PPIB: variants seen among roughly 807,000 people sequenced by gnomAD.
The protein encoded by PPIB is peptidyl-prolyl cis-trans isomerase B.
Under a neutral mutation model 20.1 loss-of-function variants are expected in PPIB, and 15 were observed. The observed-to-expected ratio is 0.75, with a 90% CI of 0.50 to 1.15. PPIB has a LOEUF of 1.15. Ranked by LOEUF, PPIB falls within the 50% of genes most tolerant of loss-of-function variation. The probability of loss-of-function intolerance (pLI) is 0.00; values close to 1 mark genes in which losing one functional copy is unlikely to be tolerated. For synonymous variants in PPIB, 129 were observed against 111.0 expected, an observed-to-expected ratio of 1.16 and a Z score of -1.02; for missense variants, 278 against 283.0, an observed-to-expected ratio of 0.98 and a Z score of 0.13.
In PPIB at chr15:64,161,088, G is replaced by T. The variant is rs1282740441; in HGVS notation, c.250-891C>A. The stretch of plus-strand genomic sequence containing the variant: ...AAATTCTCCTGCCTCAGCCTCCCAA[G>T]TAGCTGGAATTACAGGCGCCTACCA... On this transcript the variant is annotated intron_variant, in intron 2 of 4. Transcript: ENST00000300026. This position sits in a 1 kb window ranked among gnomAD's most constrained non-coding sequence, Gnocchi z 4.2. Among the ~76,000 whole-genome samples the T allele has an allele frequency of 6.6e-6, 1 of 151,762 alleles. No individual in the cohort carries two copies. The highest frequency in any genetic ancestry group is 2.4e-5 in the African/African-American group (1 of 41,242).
rs1472963364 is a variant in PPIB at position 64,161,674 on chromosome 15, G to A, written c.249+367C>T. On this transcript the variant is annotated intron_variant, in intron 2 of 4. Transcript: ENST00000300026. The surrounding 1 kb of genome is among the most constrained non-coding windows in gnomAD (Gnocchi z 4.2). ...CGGGAGGCGGAGGTTGCAGTGAGCT[G>A]AGGCCGCACCACTGCACTCCAGCCC... 6.6e-6 allele frequency among the ~76,000 whole-genome samples: 1 copy of A among 151,734 alleles called. No homozygotes were observed. The highest frequency in any genetic ancestry group is 1.5e-5 in the Non-Finnish European group (1 of 67,966).
In PPIB at chr15:64,158,398, C is replaced by A. The variant is rs28720190; in HGVS notation, c.344-1489G>T. Reference sequence around the variant, plus strand: ...GAGGCACAGAGAATAAAAGGAGCCCCAGCAGAGCAACAGCGGGGCTAGAGT... The same window carrying A: ...GAGGCACAGAGAATAAAAGGAGCCCAAGCAGAGCAACAGCGGGGCTAGAGT... On this transcript the variant is annotated intron_variant, in intron 3 of 4. Transcript: ENST00000300026. The surrounding 1 kb of genome is among the most constrained non-coding windows in gnomAD (Gnocchi z 4.7). 1.6e-3 allele frequency among the ~76,000 whole-genome samples: 248 copies of A among 152,308 alleles called. 2 individuals carry two copies. The highest frequency in any genetic ancestry group is 5.7e-3 in the African/African-American group (239 of 41,574).
chr15:64,162,671 C>T (rs2081569409), intron 1 of PPIB, among the ~76,000 whole-genome samples, 181 bp downstream of exon 1: 1 of 152,092 alleles, frequency 6.6e-6, no homozygotes, highest in African/African-American at 2.4e-5. Flanking sequence ...CTCCCTGGGT[C>T]AGGGCAGGGG....
Position 64,161,680 on chromosome 15 carries a change from G to A in PPIB, c.249+361C>T, listed in dbSNP as rs574431573. Among the ~76,000 whole-genome samples, 5 of 151,358 alleles carry A rather than the reference G, an allele frequency of 3.3e-5. No homozygotes were observed. Among genetic ancestry groups the A allele is most frequent in the African/African-American group, 1.2e-4 (5 of 41,200 alleles). ...GCGGAGGTTGCAGTGAGCTGAGGCCGCACCACTGCACTCCAGCCCAGGCGA... is the reference window on the plus strand; with the variant it reads ...GCGGAGGTTGCAGTGAGCTGAGGCCACACCACTGCACTCCAGCCCAGGCGA... On this transcript the variant is annotated intron_variant, in intron 2 of 4. Coordinates refer to ENST00000300026, the MANE Select transcript of PPIB (RefSeq NM_000942.5). This position sits in a 1 kb window ranked among gnomAD's most constrained non-coding sequence, Gnocchi z 4.2.
chr15:64,158,484 A>G lies in PPIB; in HGVS notation c.344-1575T>C, dbSNP rs944341007. Among the ~76,000 whole-genome samples the G allele has an allele frequency of 6.6e-6, 1 of 152,178 alleles. No individual in the cohort carries two copies. Among genetic ancestry groups the G allele is most frequent in the Non-Finnish European group, 1.5e-5 (1 of 67,990 alleles). ...TCAGCCACCTCAGGATCAGGTCCAA[A>G]TCTCCCTGCCCAGGGTCAGTGGCAC... On this transcript the variant is annotated intron_variant, in intron 3 of 4. Coordinates refer to ENST00000300026, the MANE Select transcript of PPIB (RefSeq NM_000942.5). This position sits in a 1 kb window ranked among gnomAD's most constrained non-coding sequence, Gnocchi z 4.7.
Position 64,162,031 on chromosome 15 carries a change from A to T in PPIB, c.249+10T>A, listed in dbSNP as rs778802253. The T allele has an allele frequency of 4.4e-6, 7 of 1,593,024 alleles. No homozygotes were observed. The highest frequency in any genetic ancestry group is 6.0e-6 in the Non-Finnish European group (7 of 1,160,844). ...CATGTGAGTTGACTACCCCTGCTCC[A>T]GCCACTTACCTCTCCTGTAGCTAAG... On this transcript the variant is annotated intron_variant, in intron 2 of 4. Coordinates refer to ENST00000300026, the MANE Select transcript of PPIB (RefSeq NM_000942.5).
chr15:64,161,911 G>A lies in PPIB; in HGVS notation c.249+130C>T, dbSNP rs144124801. The A allele has an allele frequency of 1.3e-6, 1 of 779,710 alleles. No individual in the cohort carries two copies. The highest frequency in any genetic ancestry group is 1.7e-5 in the African/African-American group (1 of 59,194). The allele number at this position is 779,710 out of a possible 1,614,324, so 48.3% of individuals were successfully genotyped here. ...AAGAAAGGGCAATACTGTGTTCCCA[G>A]GGCAACAGGCAGTCGGTGCTCAGTG... On this transcript the variant is annotated intron_variant, in intron 2 of 4. Transcript: ENST00000300026. This position sits in a 1 kb window ranked among gnomAD's most constrained non-coding sequence, Gnocchi z 4.2.
At position 64,155,820 on chromosome 15, in the gene PPIB, TA is replaced by T. The variant is rs5813282; in HGVS notation, c.*202del. On this transcript the variant is annotated 3_prime_UTR_variant, in exon 5 of 5. Transcript: ENST00000300026. ...AGAACCAGGCCCACACATTATATAT[TA>T]AAAAAAAAAAAACCCACATTTTTTT... 1,617 of 528,816 alleles carry T rather than the reference TA, an allele frequency of 3.1e-3. No homozygotes were observed. The highest frequency in any genetic ancestry group is 8.3e-3 in the African/African-American group (414 of 49,926). 32.8% of individuals were successfully genotyped at this position (528,816 alleles called of 1,614,324 possible).
rs2081559532 is a variant in PPIB at position 64,160,647 on chromosome 15, TTTA to T, written c.250-453_250-451del. Among the ~76,000 whole-genome samples, 1 of 152,136 alleles carries T rather than the reference TTTA, an allele frequency of 6.6e-6. No individual in the cohort carries two copies. The highest frequency in any genetic ancestry group is 2.1e-4 in the South Asian group (1 of 4,830). Reference sequence around the variant, plus strand: ...CTCTTTTTTATCTCATTTTTTAAATTTTATTATTATTTTTTTGAGACAGAGTTT... The same window carrying T: ...CTCTTTTTTATCTCATTTTTTAAATTTTATTATTTTTTTGAGACAGAGTTT... On this transcript the variant is annotated intron_variant, in intron 2 of 4. Transcript: ENST00000300026. This position sits in a 1 kb window ranked among gnomAD's most constrained non-coding sequence, Gnocchi z 4.8.
rs557982972 is a variant in PPIB, at chr15:64,158,514, G to A, written c.343+1590C>T. ...CCTGCCCAGGGTCAGTGGCACCAAT[G>A]CCCCCAGCAGCCTGCCTGCCCTAGC... On this transcript the variant is annotated intron_variant, in intron 3 of 4. Coordinates refer to ENST00000300026, the MANE Select transcript of PPIB (RefSeq NM_000942.5). This position sits in a 1 kb window ranked among gnomAD's most constrained non-coding sequence, Gnocchi z 4.7. 5.9e-5 allele frequency among the ~76,000 whole-genome samples: 9 copies of A among 152,244 alleles called. No homozygotes were observed. The highest frequency in any genetic ancestry group is 2.6e-4 in the Admixed American group (4 of 15,296).
chr15:64,162,774 G>C, intron 1 of PPIB, 78 bp downstream of exon 1: 1 of 1,560,446 alleles, frequency 6.4e-7, no homozygotes, highest in Non-Finnish European at 8.7e-7. Context: ...GCCGAGGGAG[G>C]AGGGGCTGAG....
chr15:64,162,941 C>T lies in PPIB; in HGVS notation c.46G>A (p.Ala16Thr). 1 of 1,613,626 alleles carries T rather than the reference C, an allele frequency of 6.2e-7. No individual in the cohort carries two copies. Among genetic ancestry groups the T allele is most frequent in the Non-Finnish European group, 8.5e-7 (1 of 1,179,864 alleles). ...ERNMKVLLAA[A>T]LIAGSVFFLL... The stretch of plus-strand genomic sequence containing the variant: ...AAGAAGACGGACCCCGCGATGAGGG[C>T]GGCGGCAAGGAGCACCTTCATGTTG... The change falls in exon 1 of 5, where the codon GCC (alanine) becomes ACC (threonine). Residue 16 changes from alanine to threonine, a missense_variant. Transcript: ENST00000300026.
rs188404221 is a variant in PPIB at position 64,163,006 on chromosome 15, C to T, written c.-20G>A. The T allele has an allele frequency of 5.0e-4, 810 of 1,611,148 alleles. 3 individuals carry two copies. The African/African-American group carries it at 9.8e-3, about 20-fold the overall frequency. The stretch of plus-strand genomic sequence containing the variant: ...CAGCATCCACAGGCGGAGGCGAAAG[C>T]AGCCCGGACAGCTGAGGCCGGAAGA... On this transcript the variant is annotated 5_prime_UTR_variant, in exon 1 of 5. Coordinates refer to ENST00000300026, the MANE Select transcript of PPIB (RefSeq NM_000942.5).
chr15:64,160,161 C>T lies in PPIB; in HGVS notation c.286G>A (p.Val96Ile), dbSNP rs1172202854. The part of the protein sequence containing the change: ...FGYKNSKFHR[V>I]IKDFMIQGGD... ...CCCTGGATCATGAAGTCCTTGATTACACGATGGAATTTGCTGTTTTTGTAG... is the reference window on the plus strand; with the variant it reads ...CCCTGGATCATGAAGTCCTTGATTATACGATGGAATTTGCTGTTTTTGTAG... Residue 96 changes from valine to isoleucine, a missense_variant, in exon 3 of 5, where the codon GTA (valine) becomes ATA (isoleucine). Val to Ile is a conservative substitution (Grantham distance 29, BLOSUM62 3). Transcript: ENST00000300026. The surrounding 1 kb of genome is among the most constrained non-coding windows in gnomAD (Gnocchi z 4.8). 1.2e-6 allele frequency: 2 copies of T among 1,614,128 alleles called. No individual in the cohort carries two copies. Among genetic ancestry groups the T allele is most frequent in the East Asian group, 2.2e-5 (1 of 44,886 alleles).
rs2081557018 is a variant in PPIB at position 64,160,108 on chromosome 15, T to A, written c.339A>T (p.Thr113=). 5.6e-6 allele frequency: 9 copies of A among 1,611,434 alleles called. No individual in the cohort carries two copies. The highest frequency in any genetic ancestry group is 7.6e-6 in the Non-Finnish European group (9 of 1,177,590). ...GCCCAGAGGACCTGTGGTTACCTCC[T>A]GTGCCATCTCCCCTGGTGAAGTCTC... ...QGGDFTRGDG[T]GGKSIYGERF... is the part of the protein sequence containing the mutation. The change falls in exon 3 of 5, where the codon ACA becomes ACT. Residue 113 remains threonine (T), a synonymous_variant. Coordinates refer to ENST00000300026, the MANE Select transcript of PPIB (RefSeq NM_000942.5). This position sits in a 1 kb window ranked among gnomAD's most constrained non-coding sequence, Gnocchi z 4.8.
rs549664676 is a variant in PPIB at position 64,160,642 on chromosome 15, T to A, written c.250-445A>T. 2.2e-4 allele frequency among the ~76,000 whole-genome samples: 33 copies of A among 152,334 alleles called. No homozygotes were observed. Among genetic ancestry groups the A allele is most frequent in the African/African-American group, 6.7e-4 (28 of 41,576 alleles). ...CCTTACTCTTTTTTATCTCATTTTT[T>A]AAATTTTATTATTATTTTTTTGAGA... On this transcript the variant is annotated intron_variant, in intron 2 of 4. Transcript: ENST00000300026. The surrounding 1 kb of genome is among the most constrained non-coding windows in gnomAD (Gnocchi z 4.8).
Position 64,157,293 on chromosome 15 carries a change from A to C in PPIB, c.344-384T>G, listed in dbSNP as rs987110895. 1 of 247,416 alleles carries C rather than the reference A, an allele frequency of 4.0e-6. No homozygotes were observed. The highest frequency in any genetic ancestry group is 2.2e-5 in the African/African-American group (1 of 45,258). The allele number at this position is 247,416 out of a possible 1,614,324, so 15.3% of individuals were successfully genotyped here. A position where few individuals can be genotyped will look rare whatever the true frequency, so the allele number is the denominator to read the frequency against. On this transcript the variant is annotated intron_variant, in intron 3 of 4. Transcript: ENST00000300026. The surrounding 1 kb of genome is among the most constrained non-coding windows in gnomAD (Gnocchi z 4.2). ...AGTCAACAGGGTCGGAACTCTCCAG[A>C]AAAGGAGGACTGCTGTGGCTGACCA...
At position 64,156,328 on chromosome 15, in the gene PPIB, G is replaced by T. The variant is rs80308901; in HGVS notation, c.529-183C>A. On this transcript the variant is annotated intron_variant, in intron 4 of 4. Transcript: ENST00000300026. This position sits in a 1 kb window ranked among gnomAD's most constrained non-coding sequence, Gnocchi z 6.4. ...AGCAGGGAGAATGCAGATTTGACGA[G>T]GGGGTACAGGAATTTTGTTCCTTTG... The T allele has an allele frequency of 4.4e-3, 3,640 of 823,910 alleles. 14 individuals carry two copies. Among genetic ancestry groups the T allele is most frequent in the Non-Finnish European group, 6.3e-3 (3,226 of 508,888 alleles). 51.0% of individuals were successfully genotyped at this position (823,910 alleles called of 1,614,324 possible). A position where few individuals can be genotyped will look rare whatever the true frequency, so the allele number is the denominator to read the frequency against.
Position 64,156,919 on chromosome 15 carries a change from AAGAC to A in PPIB, c.344-14_344-11del, listed in dbSNP as rs778760386. 9 of 1,613,952 alleles carry A rather than the reference AAGAC, an allele frequency of 5.6e-6. No homozygotes were observed. The Middle Eastern group carries it at 5.0e-4, about 89-fold the overall frequency. On this transcript the variant is annotated splice_polypyrimidine_tract_variant and intron_variant, in intron 3 of 4. Coordinates refer to ENST00000300026, the MANE Select transcript of PPIB (RefSeq NM_000942.5). The surrounding 1 kb of genome is among the most constrained non-coding windows in gnomAD (Gnocchi z 6.4). ...CCGTAGATGCTCTTTCCTGGGAAAA[AAGAC>A]AGAGCAGGTCAGGGGCGCTGGATTG...
Sources: gnomAD v4.1 joint callset for allele counts (sites outside exome capture counted in the v4.1 genomes callset) on GRCh38, gnomAD v4.1.1 for gene constraint, Gnocchi (gnomAD v3.1) non-coding constraint, MANE v1.5 for transcripts, NCBI Gene and HGNC (gene_info 2026-07-23, HGNC 2026-07-21) for gene names.